Variants in ZNF462 observed in about 807,000 individuals in gnomAD.
ZNF462 encodes the protein zinc finger protein 462, also known as zinc finger PBX1-interacting protein.
ZNF462 carries 10 observed loss-of-function variants against 201.9 expected under a neutral mutation model. The ratio of observed to expected loss-of-function variants is 0.05; its 90% CI spans 0.03 to 0.08. The LOEUF is 0.08. Ranked by LOEUF, ZNF462 falls within the 10% of genes least tolerant of loss-of-function variation. The pLI is 1.00. For missense variants in ZNF462, 2,523 were observed against 3,168.3 expected, an observed-to-expected ratio of 0.80 and a Z score of 4.89; for synonymous variants, 1,227 against 1,193.3, an observed-to-expected ratio of 1.03 and a Z score of -0.58.
intron 7 of ZNF462, among the ~76,000 whole-genome samples, chr9:106,957,651 A>G (rs1831640748): frequency 6.6e-6 from 1 of 152,198 alleles, no homozygotes; most frequent in Non-Finnish European, 1.5e-5. Context: ...AGAATATTGC[A>G]TCACTTTGCA....
Position 106,938,589 on chromosome 9 carries a change from G to A in ZNF462, c.6236-327G>A, listed in dbSNP as rs1014915575. Among the ~76,000 whole-genome samples, 4 of 152,076 alleles carry A rather than the reference G, an allele frequency of 2.6e-5. No individual in the cohort carries two copies. The highest frequency in any genetic ancestry group is 4.4e-5 in the Non-Finnish European group (3 of 68,010). On this transcript the variant is annotated intron_variant, in intron 6 of 12. Transcript: ENST00000277225. This position sits in a 1 kb window ranked among gnomAD's most constrained non-coding sequence, Gnocchi z 4.4. ...TTCTAGTGTAGAGAGGGAGGGAAAG[G>A]GATTGGAAATTTTTCTAAAGGAGGT...
At chr9:106,860,597 A>T (rs1191014334), upstream of ZNF462, among the ~76,000 whole-genome samples, 1 of 152,188 alleles carries the variant, frequency 6.6e-6, no homozygotes, top group Non-Finnish European at 1.5e-5. This position sits in a 1 kb window ranked among gnomAD's most constrained non-coding sequence, Gnocchi z 7.1. Context: ...TCCAAAACCC[A>T]GCAGTAATAG....
chr9:107,006,166 G>C lies in ZNF462; in HGVS notation c.7189+2740G>C, dbSNP rs1355558278. On this transcript the variant is annotated intron_variant, in intron 11 of 12. Coordinates refer to ENST00000277225, the MANE Select transcript of ZNF462 (RefSeq NM_021224.6). The surrounding 1 kb of genome is among the most constrained non-coding windows in gnomAD (Gnocchi z 4.3). ...TGTTTAAGATTTCTTTGGCTATCCAGGGTGTGGTTCCATGGGTTGTTGTAA... is the reference window on the plus strand; with the variant it reads ...TGTTTAAGATTTCTTTGGCTATCCACGGTGTGGTTCCATGGGTTGTTGTAA... Among the ~76,000 whole-genome samples the C allele has an allele frequency of 6.6e-6, 1 of 152,088 alleles. No homozygotes were observed. Among genetic ancestry groups the C allele is most frequent in the Admixed American group, 6.5e-5 (1 of 15,270 alleles).
rs2130775888 is a variant in ZNF462 at position 106,865,725 on chromosome 9, A to T, written c.-31+2370A>T. Reference sequence around the variant, plus strand: ...TATGGAAACAAATTTTAAAAACATGATGTCAGTTGAGAAAACCTTATGTCC... The same window carrying T: ...TATGGAAACAAATTTTAAAAACATGTTGTCAGTTGAGAAAACCTTATGTCC... On this transcript the variant is annotated intron_variant, in intron 1 of 12. Transcript: ENST00000277225. This position sits in a 1 kb window ranked among gnomAD's most constrained non-coding sequence, Gnocchi z 4.1. 6.6e-6 allele frequency among the ~76,000 whole-genome samples: 1 copy of T among 152,316 alleles called. No homozygotes were observed. Among genetic ancestry groups the T allele is most frequent in the East Asian group, 1.9e-4 (1 of 5,184 alleles).
Position 106,865,983 on chromosome 9 carries a change from T to C in ZNF462, c.-31+2628T>C, listed in dbSNP as rs1184391749. Among the ~76,000 whole-genome samples the C allele has an allele frequency of 6.6e-6, 1 of 152,056 alleles. No homozygotes were observed. Among genetic ancestry groups the C allele is most frequent in the Non-Finnish European group, 1.5e-5 (1 of 68,006 alleles). On this transcript the variant is annotated intron_variant, in intron 1 of 12. Coordinates refer to ENST00000277225, the MANE Select transcript of ZNF462 (RefSeq NM_021224.6). The surrounding 1 kb of genome is among the most constrained non-coding windows in gnomAD (Gnocchi z 4.1). ...ATGAAGATGTTGCTTTTCCATTAGGTGAGGTAGCCATCTTGAGGATGAGGG... is the reference window on the plus strand; with the variant it reads ...ATGAAGATGTTGCTTTTCCATTAGGCGAGGTAGCCATCTTGAGGATGAGGG...
rs900705633 is a variant in ZNF462 at position 107,009,667 on chromosome 9, A to C, written c.7312A>C (p.Met2438Leu). ...EWERHVLRHG[M>L]ALNDTKQVSR... The stretch of plus-strand genomic sequence containing the variant: ...GGAAAGACATGTGCTGAGACACGGC[A>C]TGTAAGTTGGGCCACTTCAAGGATG... The change falls in exon 12 of 13, where the codon ATG becomes CTG. Residue 2438 changes from methionine to leucine, a missense_variant and splice_region_variant. Around this residue, in one of 15 missense-constraint regions of ZNF462, gnomAD observed 228 missense variants for 361.2 expected, o/e 0.63. Coordinates refer to ENST00000277225, the MANE Select transcript of ZNF462 (RefSeq NM_021224.6). This position sits in a 1 kb window ranked among gnomAD's most constrained non-coding sequence, Gnocchi z 6.1. 2.9e-6 allele frequency: 4 copies of C among 1,371,172 alleles called. No individual in the cohort carries two copies. The highest frequency in any genetic ancestry group is 3.9e-6 in the Non-Finnish European group (4 of 1,026,746). The allele number at this position is 1,371,172 out of a possible 1,614,324, so 84.9% of individuals were successfully genotyped here.
intron 7 of ZNF462, among the ~76,000 whole-genome samples, chr9:106,969,837 G>A (rs933054039): frequency 6.6e-6 from 1 of 152,186 alleles, no homozygotes; most frequent in Non-Finnish European, 1.5e-5. Flanking sequence ...CTATTCTGCA[G>A]AGCTAAGAGT....
intron 1 of ZNF462, among the ~76,000 whole-genome samples, chr9:106,866,841 C>A (rs995472109): frequency 6.6e-6 from 1 of 152,160 alleles, no homozygotes; most frequent in Non-Finnish European, 1.5e-5. Flanking sequence ...AATTTTACAT[C>A]TAATTAACCA....
chr9:106,927,736 C>T lies in ZNF462; in HGVS notation c.3824C>T (p.Pro1275Leu), dbSNP rs757854272. Residue 1275 changes from proline (P) to leucine (L), a missense_variant, in exon 3 of 13, where the codon CCC becomes CTC. Coordinates refer to ENST00000277225, the MANE Select transcript of ZNF462 (RefSeq NM_021224.6). ...TGTAGGCAGTGCTCATATACCTCCC[C>T]CTACTTCTATGCACTGAGGAAGCAT... ...LKCRQCSYTS[P>L]YFYALRKHIK... is the part of the protein sequence containing the mutation. 6.2e-7 allele frequency: 1 copy of T among 1,614,086 alleles called. No homozygotes were observed. Among genetic ancestry groups the T allele is most frequent in the African/African-American group, 1.3e-5 (1 of 75,012 alleles).
At chr9:106,918,672 T>C (rs1200371822) in intron 1 of ZNF462, among the ~76,000 whole-genome samples, 3 of 152,226 alleles carry the variant, frequency 2.0e-5, no homozygotes, top group African/African-American at 4.8e-5. Flanking sequence ...ACTGAAAATA[T>C]TAATCTCCCA....
chr9:106,953,639 T>A (rs1831449900), intron 7 of ZNF462, among the ~76,000 whole-genome samples: 1 of 152,142 alleles, frequency 6.6e-6, no homozygotes, highest in African/African-American at 2.4e-5. Flanking sequence ...CTCAGTTCTC[T>A]TTGCACTCTC....
intron 6 of ZNF462, among the ~76,000 whole-genome samples, chr9:106,936,633 A>G (rs552213995): frequency 3.9e-5 from 6 of 152,326 alleles, no homozygotes; most frequent in Non-Finnish European, 7.4e-5. Flanking sequence ...AATTTCTACT[A>G]AAGTCCTTGA....
chr9:106,984,627 T>C lies in ZNF462; in HGVS notation c.7056+218T>C, dbSNP rs1827692842. ...GTGGAAGGGAAATCACCCATAATTCTACCACACTAGTCCAAATGCTGAACA... is the reference window on the plus strand; with the variant it reads ...GTGGAAGGGAAATCACCCATAATTCCACCACACTAGTCCAAATGCTGAACA... On this transcript the variant is annotated intron_variant, in intron 10 of 12. Transcript: ENST00000277225. This position sits in a 1 kb window ranked among gnomAD's most constrained non-coding sequence, Gnocchi z 6.4. Among the ~76,000 whole-genome samples, 2 of 152,206 alleles carry C rather than the reference T, an allele frequency of 1.3e-5. No individual in the cohort carries two copies.
At chr9:106,879,343 C>CCT (rs1222373908) in intron 1 of ZNF462, among the ~76,000 whole-genome samples, 1 of 116,440 alleles carries the variant, frequency 8.6e-6, no homozygotes, top group African/African-American at 3.2e-5. Context: ...CCCCCCCCCC[C>CCT]ACCCCCCACC....
intron 9 of ZNF462, among the ~76,000 whole-genome samples, chr9:106,982,398 A>G (rs947453035): frequency 2.0e-5 from 3 of 152,204 alleles, no homozygotes; most frequent in Non-Finnish European, 4.4e-5. Flanking sequence ...CAAAATTTCA[A>G]TAATGCTACT....
At chr9:106,867,585 A>T (rs1048288348) in intron 1 of ZNF462, among the ~76,000 whole-genome samples, 1 of 152,158 alleles carries the variant, frequency 6.6e-6, no homozygotes, top group South Asian at 2.1e-4. Flanking sequence ...AAAAAAAAAA[A>T]AACAAACTTA....
Position 106,917,756 on chromosome 9 carries a change from T to G in ZNF462, c.-30-5598T>G, listed in dbSNP as rs1379480955. On this transcript the variant is annotated intron_variant, in intron 1 of 12. Transcript: ENST00000277225. This position sits in a 1 kb window ranked among gnomAD's most constrained non-coding sequence, Gnocchi z 4.5. ...TTGAAGACTACATGGTGAGCCAGAA[T>G]CTGTAGTAGTACCAAATGCTATGGG... Among the ~76,000 whole-genome samples the G allele has an allele frequency of 6.6e-6, 1 of 152,180 alleles. No homozygotes were observed. Among genetic ancestry groups the G allele is most frequent in the Non-Finnish European group, 1.5e-5 (1 of 68,030 alleles).
intron 1 of ZNF462, among the ~76,000 whole-genome samples, chr9:106,863,924 G>A (rs1367015378): frequency 6.6e-6 from 1 of 151,928 alleles, no homozygotes; most frequent in African/African-American, 2.4e-5. Flanking sequence ...GACCTGAGCG[G>A]GTTGACCTCT....
chr9:106,972,601 T>C lies in ZNF462; in HGVS notation c.6695+329T>C, dbSNP rs1405683573. 6.6e-6 allele frequency among the ~76,000 whole-genome samples: 1 copy of C among 152,120 alleles called. No individual in the cohort carries two copies. Among genetic ancestry groups the C allele is most frequent in the Non-Finnish European group, 1.5e-5 (1 of 68,014 alleles). ...AGAGAACTGTCTCCTCTCCTTTTTT[T>C]AGCTTTGGAAAAAAAAGTATGTTCT... On this transcript the variant is annotated intron_variant, in intron 8 of 12. Coordinates refer to ENST00000277225, the MANE Select transcript of ZNF462 (RefSeq NM_021224.6). This position sits in a 1 kb window ranked among gnomAD's most constrained non-coding sequence, Gnocchi z 4.8.
Sources: gnomAD v4.1 joint callset for allele counts (sites outside exome capture counted in the v4.1 genomes callset) on GRCh38, gnomAD v4.1.1 for gene constraint, gnomAD v4.1.1 regional missense constraint, Gnocchi (gnomAD v3.1) non-coding constraint, MANE v1.5 for transcripts, NCBI Gene and HGNC (gene_info 2026-07-23, HGNC 2026-07-21) for gene names.